ILF2: variants seen among roughly 807,000 people sequenced by gnomAD.
ILF2 encodes the protein interleukin enhancer-binding factor 2.
A neutral mutation model predicts 55.3 loss-of-function variants in ILF2; 9 were observed. That is an observed-to-expected ratio of 0.16 (90% CI 0.10 to 0.28). The LOEUF (loss-of-function observed/expected upper bound fraction) is 0.28. ILF2 is among the 10% of genes least tolerant of loss of function. ILF2 has a pLI of 1.00. For synonymous variants in ILF2, 151 were observed against 161.8 expected, an observed-to-expected ratio of 0.93 and a Z score of 0.50; for missense variants, 266 against 474.9, an observed-to-expected ratio of 0.56 and a Z score of 4.09.
At position 153,664,060 on chromosome 1, in the gene ILF2, A is replaced by G; in HGVS notation, c.727T>C (p.Trp243Arg). ...TTACTTACTAGTAGGTCAAGGATCCAGGGTGTGAGGGGCTCAAAGCCAGGA... is the reference window on the plus strand; with the variant it reads ...TTACTTACTAGTAGGTCAAGGATCCGGGGTGTGAGGGGCTCAAAGCCAGGA... ...RFPGFEPLTP[W>R]ILDLLGHYAV... The change falls in exon 10 of 14, where the codon TGG (tryptophan) becomes CGG (arginine). Residue 243 changes from tryptophan to arginine, a missense_variant. Transcript: ENST00000361891. The G allele has an allele frequency of 6.2e-7, 1 of 1,612,342 alleles. No homozygotes were observed. The highest frequency in any genetic ancestry group is 8.5e-7 in the Non-Finnish European group (1 of 1,178,654).
In ILF2 at chr1:153,662,290, C is replaced by T; in HGVS notation, c.*106G>A. On this transcript the variant is annotated 3_prime_UTR_variant, in exon 14 of 14. Transcript: ENST00000361891. ...TCTATGGAGTTTACTTTTCTTCCTGCTATCTTCCCTATCCCACGGAAATGT... is the reference window on the plus strand; with the variant it reads ...TCTATGGAGTTTACTTTTCTTCCTGTTATCTTCCCTATCCCACGGAAATGT... 2 of 1,402,500 alleles carry T rather than the reference C, an allele frequency of 1.4e-6. No individual in the cohort carries two copies. The highest frequency in any genetic ancestry group is 2.6e-5 in the South Asian group (2 of 75,736). The allele number at this position is 1,402,500 out of a possible 1,614,324, so 86.9% of individuals were successfully genotyped here. A position where few individuals can be genotyped will look rare whatever the true frequency, so the allele number is the denominator to read the frequency against.
intron 10 of ILF2, 88 bp from the exon 11 acceptor site, chr1:153,663,364 T>C: frequency 7.9e-7 from 1 of 1,263,524 alleles, no homozygotes; most frequent in Non-Finnish European, 1.2e-6. Context: ...GGCCTCACTT[T>C]GTCATCCAGG....
chr1:153,662,896 G>A, intron 12 of ILF2, 101 bp from the exon 13 acceptor site: 1 of 1,328,086 alleles, frequency 7.5e-7, no homozygotes, highest in Non-Finnish European at 1.1e-6. Flanking sequence ...TTAAATCTCA[G>A]GACCAAAGTC....
intron 6 of ILF2, 127 bp downstream of exon 6, chr1:153,667,428 A>G: frequency 1.4e-6 from 1 of 730,560 alleles, no homozygotes. Context: ...GCAGTGAGCT[A>G]CAATGGTACC....
At chr1:153,665,447 G>A in intron 7 of ILF2, 111 bp from the exon 8 acceptor site, 1 of 807,222 alleles carries the variant, frequency 1.2e-6, no homozygotes, top group East Asian at 2.5e-5. Flanking sequence ...ACAAAGTCCA[G>A]AATGAGAATT....
intron 10 of ILF2, 81 bp from the exon 11 acceptor site, chr1:153,663,357 C>G: frequency 7.7e-7 from 1 of 1,305,468 alleles, no homozygotes; most frequent in Non-Finnish European, 1.1e-6. Context: ...GAGACAGGGC[C>G]TCACTTTGTC....
At chr1:153,666,572 A>C (rs1388423054) in intron 6 of ILF2, among the ~76,000 whole-genome samples, 1 of 151,784 alleles carries the variant, frequency 6.6e-6, no homozygotes, top group Non-Finnish European at 1.5e-5. Context: ...CAGGCTGGTC[A>C]AACTCCTGGG....
chr1:153,664,206 A>C, intron 9 of ILF2, 76 bp from the exon 10 acceptor site: 1 of 1,013,638 alleles, frequency 9.9e-7, no homozygotes, highest in African/African-American at 1.6e-5. Flanking sequence ...ATTGAAGCTG[A>C]CTATGCTATT....
intron 6 of ILF2, among the ~76,000 whole-genome samples, chr1:153,666,340 C>T (rs368719763): frequency 6.6e-6 from 1 of 152,142 alleles, no homozygotes; most frequent in Non-Finnish European, 1.5e-5. Context: ...CCCACCACCA[C>T]GCCTGGCTAA....
chr1:153,665,842 G>C lies in ILF2; in HGVS notation c.395-114C>G, dbSNP rs1057507011. 7 of 771,634 alleles carry C rather than the reference G, an allele frequency of 9.1e-6. No homozygotes were observed. In the African/African-American group the frequency reaches 1.1e-4, roughly 12 times the overall value. The allele number at this position is 771,634 out of a possible 1,614,324, so 47.8% of individuals were successfully genotyped here. A position where few individuals can be genotyped will look rare whatever the true frequency, so the allele number is the denominator to read the frequency against. On this transcript the variant is annotated intron_variant, in intron 6 of 13. Transcript: ENST00000361891. ...GTCCCATATCCAAGGCTGAAGCAAG[G>C]GTAAGTAATAGAATATATACTTTTA... is the stretch of plus-strand genomic sequence containing the variant.
chr1:153,662,811 G>C lies in ILF2; in HGVS notation c.922-16C>G, dbSNP rs769189556. 3.7e-6 allele frequency: 6 copies of C among 1,604,208 alleles called. No homozygotes were observed. Reference sequence around the variant, plus strand: ...AGACCATGTCCTGAAGGAAAGCAAAGTGAGAGTAAGCAAGGAAAATCAAAG... The same window carrying C: ...AGACCATGTCCTGAAGGAAAGCAAACTGAGAGTAAGCAAGGAAAATCAAAG... On this transcript the variant is annotated splice_polypyrimidine_tract_variant and intron_variant, in intron 12 of 13. Transcript: ENST00000361891.
intron 6 of ILF2, 131 bp downstream of exon 6, chr1:153,667,424 A>G: frequency 1.4e-6 from 1 of 717,548 alleles, no homozygotes; most frequent in Non-Finnish European, 2.5e-6. Flanking sequence ...GGCTGCAGTG[A>G]GCTACAATGG....
Position 153,670,242 on chromosome 1 carries a change from GATTTT to G in ILF2, c.6-17_6-13del. On this transcript the variant is annotated splice_polypyrimidine_tract_variant and intron_variant, in intron 1 of 13. Coordinates refer to ENST00000361891, the MANE Select transcript of ILF2 (RefSeq NM_004515.4). Reference sequence around the variant, plus strand: ...GGCCTCTGTCACCCCTAGAAATGCAGATTTTATTTTGACCTCATTGAAGGAATACC... The same window carrying G: ...GGCCTCTGTCACCCCTAGAAATGCAGATTTTGACCTCATTGAAGGAATACC... 1 of 1,613,642 alleles carries G rather than the reference GATTTT, an allele frequency of 6.2e-7. No homozygotes were observed. The highest frequency in any genetic ancestry group is 8.5e-7 in the Non-Finnish European group (1 of 1,179,848).
intron 3 of ILF2, 139 bp downstream of exon 3, chr1:153,669,697 C>T: frequency 1.3e-6 from 1 of 744,068 alleles, no homozygotes; most frequent in Non-Finnish European, 2.4e-6. Flanking sequence ...CTGCCTCGGC[C>T]TCCCAAAGTG....
chr1:153,662,667 T>A, intron 13 of ILF2, 38 bp downstream of exon 13: 1 of 1,593,148 alleles, frequency 6.3e-7, no homozygotes, highest in Admixed American at 1.7e-5. Context: ...CTGTACCAGA[T>A]TACAATACAA....
At chr1:153,668,315 A>G in intron 4 of ILF2, 138 bp downstream of exon 4, 1 of 1,089,530 alleles carries the variant, frequency 9.2e-7, no homozygotes, top group Non-Finnish European at 1.3e-6. Context: ...ACCCACAATG[A>G]GAAATAAGGA....
Position 153,662,761 on chromosome 1 carries a change from C to T in ILF2, c.956G>A (p.Arg319Gln), listed in dbSNP as rs1557950884. 1.2e-6 allele frequency: 2 copies of T among 1,614,124 alleles called. No individual in the cohort carries two copies. Among genetic ancestry groups the T allele is most frequent in the Non-Finnish European group, 1.7e-6 (2 of 1,180,008 alleles). Residue 319 changes from arginine to glutamine, a missense_variant, in exon 13 of 14, where the codon CGA becomes CAA. Coordinates refer to ENST00000361891, the MANE Select transcript of ILF2 (RefSeq NM_004515.4). ...CCTAAAGCCACCATGTGAGAGGATT[C>T]GGACGAGAGTCTGAGCTGTATAGCA... The part of the protein sequence containing the change: ...MVCYTAQTLV[R>Q]ILSHGGFRKI...
Position 153,667,543 on chromosome 1 carries a change from A to T in ILF2, c.394+12T>A. 1 of 1,557,000 alleles carries T rather than the reference A, an allele frequency of 6.4e-7. No individual in the cohort carries two copies. The highest frequency in any genetic ancestry group is 8.9e-7 in the Non-Finnish European group (1 of 1,127,866). ...ATGTTCTGTTCCCATGACCAGAAAC[A>T]GGCACACTCACACGTTGGCAGAATC... is the stretch of plus-strand genomic sequence containing the variant. On this transcript the variant is annotated intron_variant, in intron 6 of 13. Coordinates refer to ENST00000361891, the MANE Select transcript of ILF2 (RefSeq NM_004515.4).
chr1:153,664,154 A>C (rs1669248553), intron 9 of ILF2, 24 bp from the exon 10 acceptor site: 1 of 1,428,340 alleles, frequency 7.0e-7, no homozygotes, highest in African/African-American at 1.4e-5. Flanking sequence ...TGACCCAAAC[A>C]TTAAAATCAA....
Sources: gnomAD v4.1 joint callset for allele counts (sites outside exome capture counted in the v4.1 genomes callset) on GRCh38, gnomAD v4.1.1 for gene constraint, MANE v1.5 for transcripts, NCBI Gene and HGNC (gene_info 2026-07-23, HGNC 2026-07-21) for gene names.